PHACTR1: variants seen among roughly 807,000 people sequenced by gnomAD.
PHACTR1 encodes the protein phosphatase and actin regulator 1, also known as RPEL repeat containing 1.
In PHACTR1, 16 loss-of-function variants were observed where a neutral mutation model predicts 69.2. That is an observed-to-expected ratio of 0.23 (90% confidence interval 0.16 to 0.35). The LOEUF (loss-of-function observed/expected upper bound fraction) is 0.35. PHACTR1 is among the 10% of genes least tolerant of loss of function. The pLI, the probability that PHACTR1 is intolerant of heterozygous loss-of-function variation, is 1.00. For synonymous variants in PHACTR1, 312 were observed against 284.5 expected (o/e 1.10, Z -0.97); for missense variants, 510 against 734.7 (o/e 0.69, Z 3.54).
Position 12,763,345 on chromosome 6 carries a change from GCTCAAATCAGCCTTAAAC to G in PHACTR1, c.250+13556_250+13573del, listed in dbSNP as rs1288229300. 3.9e-5 allele frequency among the ~76,000 whole-genome samples: 6 copies of G among 152,318 alleles called. No homozygotes were observed. The East Asian group carries it at 1.2e-3, about 29-fold the overall frequency. On this transcript the variant is annotated intron_variant, in intron 4 of 14. Transcript: ENST00000332995. ...ATAATACCAGGTCAACACAAAGTAAGCTCAAATCAGCCTTAAACTCACTTCATTGGCCTCTGGGTTACG... is the reference window on the plus strand; with the variant it reads ...ATAATACCAGGTCAACACAAAGTAAGTCACTTCATTGGCCTCTGGGTTACG...
intron 4 of PHACTR1, among the ~76,000 whole-genome samples, chr6:12,872,783 G>C (rs1404001466): frequency 3.3e-5 from 5 of 152,086 alleles, no homozygotes; most frequent in Non-Finnish European, 7.4e-5. Context: ...TCCTCCTCAA[G>C]GGGGCAGGAC....
intron 4 of PHACTR1, among the ~76,000 whole-genome samples, chr6:12,775,589 T>C (rs1268260561): frequency 2.0e-5 from 3 of 152,196 alleles, no homozygotes; most frequent in African/African-American, 7.2e-5. Flanking sequence ...TTGTGCTTTA[T>C]AAAAAACCCA....
intron 4 of PHACTR1, among the ~76,000 whole-genome samples, chr6:12,914,742 A>G (rs1786783927): frequency 6.6e-6 from 1 of 152,212 alleles, no homozygotes; most frequent in Non-Finnish European, 1.5e-5. Flanking sequence ...ATTAAAAAAA[A>G]TCATTAAACT....
chr6:12,987,672 C>A (rs1294552281), intron 4 of PHACTR1, among the ~76,000 whole-genome samples: 2 of 152,074 alleles, frequency 1.3e-5, no homozygotes, highest in Non-Finnish European at 2.9e-5. Context: ...AGTGTTTAGG[C>A]AGATGCAGCA....
At chr6:13,140,799 ATGTT>A (rs772106270) in intron 5 of PHACTR1, among the ~76,000 whole-genome samples, 3 of 152,252 alleles carry the variant, frequency 2.0e-5, no homozygotes, top group Non-Finnish European at 4.4e-5. Flanking sequence ...GTCTACCAAA[ATGTT>A]TGTAAAAAAT....
chr6:12,884,536 G>T (rs1423984466), intron 4 of PHACTR1, among the ~76,000 whole-genome samples: 4 of 152,044 alleles, frequency 2.6e-5, no homozygotes, highest in African/African-American at 9.7e-5. Flanking sequence ...AAGTAGCTGG[G>T]ACCGCAGGCG....
intron 4 of PHACTR1, among the ~76,000 whole-genome samples, chr6:12,796,346 G>C (rs915549000): frequency 5.3e-5 from 8 of 152,198 alleles, no homozygotes; most frequent in Non-Finnish European, 1.0e-4. Context: ...GCCCCAGACT[G>C]TCTGCTATAT....
intron 5 of PHACTR1, among the ~76,000 whole-genome samples, chr6:13,094,498 T>C (rs1383582857): frequency 1.3e-5 from 2 of 151,870 alleles, no homozygotes; most frequent in African/African-American, 4.8e-5. Flanking sequence ...GGTTTCACCA[T>C]ATTAGCCAGG....
At chr6:13,271,169 C>T (rs1038252926) in intron 10 of PHACTR1, among the ~76,000 whole-genome samples, 42 of 151,914 alleles carry the variant, frequency 2.8e-4, no homozygotes, top group African/African-American at 9.9e-4. Context: ...CCACCATGCC[C>T]GGCTAATTTT....
chr6:13,152,083 A>G (rs1824395481), intron 5 of PHACTR1, among the ~76,000 whole-genome samples: 2 of 152,268 alleles, frequency 1.3e-5, no homozygotes, highest in South Asian at 2.1e-4. Flanking sequence ...CTATCATCCC[A>G]GCACTCTGGG....
intron 10 of PHACTR1, among the ~76,000 whole-genome samples, chr6:13,258,989 T>C (rs1271309759): frequency 6.6e-6 from 1 of 152,174 alleles, no homozygotes; most frequent in African/African-American, 2.4e-5. Context: ...GCAGGGATGG[T>C]TGGAGGAGTT....
chr6:12,974,096 A>G (rs1486562085), intron 4 of PHACTR1, among the ~76,000 whole-genome samples: 2 of 151,836 alleles, frequency 1.3e-5, no homozygotes, highest in African/African-American at 2.4e-5. Context: ...TAATTTTTGT[A>G]TTTTTAGTAG....
chr6:13,166,813 C>T (rs925463376), intron 6 of PHACTR1, among the ~76,000 whole-genome samples: 3 of 152,178 alleles, frequency 2.0e-5, no homozygotes, highest in African/African-American at 7.2e-5. Flanking sequence ...ATCCTCCAGT[C>T]CCATAGTCAG....
intron 4 of PHACTR1, among the ~76,000 whole-genome samples, chr6:12,944,771 TTA>T (rs917801080): frequency 3.7e-4 from 40 of 107,586 alleles, no homozygotes; most frequent in African/African-American, 1.7e-3. Flanking sequence ...ATTTATTTAT[TTA>T]TTTATTTTTA....
rs531575902 is a variant in PHACTR1, at chr6:13,001,100, A to G, written c.251-52265A>G. On this transcript the variant is annotated intron_variant, in intron 4 of 14. Coordinates refer to ENST00000332995, the MANE Select transcript of PHACTR1 (RefSeq NM_030948.6). ...GGTTTATGATGGAATCAGGGGATAG[A>G]CTGTGTCAGAAGTGGTTCCATTGGT... 5.9e-5 allele frequency among the ~76,000 whole-genome samples: 9 copies of G among 152,310 alleles called. No homozygotes were observed. The East Asian group carries it at 1.2e-3, about 20-fold the overall frequency.
intron 4 of PHACTR1, among the ~76,000 whole-genome samples, chr6:12,880,226 T>C (rs1439069121): frequency 2.2e-5 from 2 of 90,912 alleles, no homozygotes; most frequent in African/African-American, 8.2e-5. Flanking sequence ...TCATACTTTT[T>C]TTTCTTTTTT....
intron 11 of PHACTR1, 22 bp from the exon 12 acceptor site, chr6:13,278,246 A>G (rs749525359): frequency 2.2e-5 from 35 of 1,563,944 alleles, no homozygotes; most frequent in Non-Finnish European, 2.9e-5. Flanking sequence ...AAATAAAAAA[A>G]CATCTTAAAT....
chr6:13,263,429 A>G lies in PHACTR1; in HGVS notation c.1392-9431A>G, dbSNP rs1353836043. Among the ~76,000 whole-genome samples the G allele has an allele frequency of 2.0e-5, 3 of 151,890 alleles. No homozygotes were observed. In the East Asian group the frequency reaches 5.8e-4, roughly 29 times the overall value. ...CAGCACTTGATAGCATGTGGCATTTAAACAGGAACCCAGAGATTTTTTCAG... is the reference window on the plus strand; with the variant it reads ...CAGCACTTGATAGCATGTGGCATTTGAACAGGAACCCAGAGATTTTTTCAG... On this transcript the variant is annotated intron_variant, in intron 10 of 14. Transcript: ENST00000332995.
intron 5 of PHACTR1, among the ~76,000 whole-genome samples, chr6:13,098,842 T>C (rs546349953): frequency 6.6e-6 from 1 of 152,342 alleles, no homozygotes; most frequent in East Asian, 1.9e-4. Context: ...ATAGCTATCC[T>C]AGGCTATCTC....
Sources: gnomAD v4.1 joint callset for allele counts (sites outside exome capture counted in the v4.1 genomes callset) on GRCh38, gnomAD v4.1.1 for gene constraint, MANE v1.5 for transcripts, NCBI Gene and HGNC (gene_info 2026-07-23, HGNC 2026-07-21) for gene names.